Variants in FAM107B observed in about 807,000 individuals in gnomAD.
FAM107B encodes the protein protein FAM107B.
A neutral mutation model predicts 31.5 loss-of-function variants in FAM107B; 21 were observed. The observed-to-expected ratio is 0.67, with a 90% CI of 0.47 to 0.96. The LOEUF (loss-of-function observed/expected upper bound fraction) is 0.96, where lower values mean the gene tolerates loss of function less well. FAM107B is among the 40% of genes least tolerant of loss of function. The pLI, the probability that FAM107B is intolerant of heterozygous loss-of-function variation, is 0.00. For missense variants in FAM107B, 452 were observed against 377.1 expected (o/e 1.20, Z -1.64); for synonymous variants, 157 against 141.5 (o/e 1.11, Z -0.78).
At chr10:14,723,701 G>T (rs1363301641) in intron 1 of FAM107B, 4 of 755,464 alleles carry the variant, frequency 5.3e-6, no homozygotes, top group Non-Finnish European at 7.3e-6. Context: ...AGAAGTCATG[G>T]CTCCCAGAAG....
At chr10:14,526,172 C>G (rs1157138931) in intron 3 of FAM107B, among the ~76,000 whole-genome samples, 2 of 152,086 alleles carry the variant, frequency 1.3e-5, no homozygotes, top group Non-Finnish European at 2.9e-5. Context: ...TGAATTTAGC[C>G]CTTGTTCTTT....
chr10:14,558,226 T>C (rs1450424321), intron 2 of FAM107B, among the ~76,000 whole-genome samples: 3 of 151,792 alleles, frequency 2.0e-5, no homozygotes, highest in South Asian at 2.1e-4. Context: ...TTCACACACA[T>C]GTGCATGCGC....
chr10:14,728,663 G>A (rs1005059022), intron 1 of FAM107B, among the ~76,000 whole-genome samples: 5 of 152,162 alleles, frequency 3.3e-5, no homozygotes, highest in African/African-American at 1.2e-4. Flanking sequence ...TGCTTGCAAA[G>A]CAGTCAGCTG....
At chr10:14,698,680 GC>G (rs1311778220) in intron 1 of FAM107B, among the ~76,000 whole-genome samples, 7 of 152,176 alleles carry the variant, frequency 4.6e-5, no homozygotes, top group Non-Finnish European at 8.8e-5. Context: ...CTGACATTCA[GC>G]CTGGCATTCA....
At chr10:14,759,181 AAAATAAATAAATAAAT>A (rs60547324) in intron 1 of FAM107B, among the ~76,000 whole-genome samples, 60 of 144,886 alleles carry the variant, frequency 4.1e-4, no homozygotes, top group Non-Finnish European at 4.2e-4. Flanking sequence ...TCTGTCTCAA[AAAATAAATAAATAAAT>A]AAATAAATAA....
chr10:14,692,042 T>A (rs1159668237), intron 1 of FAM107B, among the ~76,000 whole-genome samples: 6 of 152,090 alleles, frequency 3.9e-5, no homozygotes, highest in African/African-American at 4.8e-5. Flanking sequence ...CGGTGTTTGG[T>A]GAAGAAGAGA....
chr10:14,675,424 T>C (rs1428316123), intron 1 of FAM107B, among the ~76,000 whole-genome samples: 3 of 152,152 alleles, frequency 2.0e-5, no homozygotes, highest in African/African-American at 7.2e-5. Context: ...GGTGCATCTA[T>C]CCATGGAGGG....
chr10:14,740,691 T>G (rs1036860634), intron 1 of FAM107B, among the ~76,000 whole-genome samples: 2 of 152,164 alleles, frequency 1.3e-5, no homozygotes, highest in Non-Finnish European at 1.5e-5. Flanking sequence ...GAAAACTGTG[T>G]GCACAGGGAG....
intron 2 of FAM107B, among the ~76,000 whole-genome samples, chr10:14,536,396 C>G (rs568749983): frequency 1.3e-5 from 2 of 152,314 alleles, no homozygotes; most frequent in South Asian, 4.1e-4. Context: ...TAAGCTGTCT[C>G]TAAGATTCTG....
In FAM107B at chr10:14,633,682, C is replaced by T. The variant is rs1344621248; in HGVS notation, c.469+33952G>A. Among the ~76,000 whole-genome samples the T allele has an allele frequency of 2.0e-5, 3 of 152,030 alleles. No homozygotes were observed. In the East Asian group the frequency reaches 5.8e-4, roughly 29 times the overall value. On this transcript the variant is annotated intron_variant, in intron 2 of 4. Coordinates refer to ENST00000181796, the MANE Select transcript of FAM107B (RefSeq NM_031453.4). ...GGGGTCTAACAAATTTTTGTTGAGC[C>T]AGTCAATAAAACATAAACAAATCCC...
chr10:14,683,345 T>C (rs767991386), intron 1 of FAM107B, among the ~76,000 whole-genome samples: 1 of 152,202 alleles, frequency 6.6e-6, no homozygotes, highest in African/African-American at 2.4e-5. Context: ...GAATGAGTGA[T>C]TGTTCCACAC....
intron 1 of FAM107B, among the ~76,000 whole-genome samples, chr10:14,691,923 G>A (rs1299169643): frequency 2.7e-5 from 4 of 150,520 alleles, no homozygotes; most frequent in Non-Finnish European, 5.9e-5. Context: ...TAAACTAGGA[G>A]TAGGCAGCAT....
intron 2 of FAM107B, among the ~76,000 whole-genome samples, chr10:14,617,901 C>T (rs772091270): frequency 1.3e-5 from 2 of 151,974 alleles, no homozygotes; most frequent in Non-Finnish European, 2.9e-5. Flanking sequence ...GGTTTACAGG[C>T]GTGAAGCACC....
rs75944509 is a variant in FAM107B, at chr10:14,540,429, T to C, written c.470-9914A>G. Among the ~76,000 whole-genome samples, 400 of 152,332 alleles carry C rather than the reference T, an allele frequency of 2.6e-3. 4 individuals carry two copies. The highest frequency in any genetic ancestry group is 9.4e-3 in the African/African-American group (390 of 41,568). On this transcript the variant is annotated intron_variant, in intron 2 of 4. Transcript: ENST00000181796. ...ACAGTCCACACCCGGCAGGGTTTTC[T>C]CAGGCCATCCAGGGCTCCCTCCTTT...
intron 2 of FAM107B, among the ~76,000 whole-genome samples, chr10:14,637,137 C>T (rs17155621): frequency 0.038 from 5,853 of 152,150 alleles, 177 homozygotes; most frequent in East Asian, 0.13. Flanking sequence ...TCGGTGTCTC[C>T]CTTTTAACAA....
At chr10:14,603,342 T>C (rs970481469) in intron 2 of FAM107B, among the ~76,000 whole-genome samples, 6 of 152,112 alleles carry the variant, frequency 3.9e-5, no homozygotes, top group African/African-American at 1.4e-4. Flanking sequence ...AGTTTAAGAA[T>C]GTGAAGTCCA....
chr10:14,643,502 T>G (rs905392081), intron 2 of FAM107B, among the ~76,000 whole-genome samples: 10 of 151,654 alleles, frequency 6.6e-5, no homozygotes, highest in African/African-American at 2.4e-4. Flanking sequence ...CTCCACCTCC[T>G]GGGTTTAAGT....
At chr10:14,597,350 G>A (rs1257722087) in intron 2 of FAM107B, among the ~76,000 whole-genome samples, 2 of 151,876 alleles carry the variant, frequency 1.3e-5, no homozygotes, top group Non-Finnish European at 1.5e-5. Flanking sequence ...TAAAGCGTGA[G>A]TTTTAACTTT....
intron 1 of FAM107B, among the ~76,000 whole-genome samples, chr10:14,725,841 T>C (rs1027177710): frequency 6.7e-6 from 1 of 149,082 alleles, no homozygotes; most frequent in Non-Finnish European, 1.5e-5. Flanking sequence ...TTTTTTTTTT[T>C]TGGAAATGGA....
Sources: gnomAD v4.1 joint callset for allele counts (sites outside exome capture counted in the v4.1 genomes callset) on GRCh38, gnomAD v4.1.1 for gene constraint, MANE v1.5 for transcripts, NCBI Gene and HGNC (gene_info 2026-07-23, HGNC 2026-07-21) for gene names.